GCA: variants seen among roughly 807,000 people sequenced by gnomAD.
The protein encoded by GCA is grancalcin, EF-hand calcium-binding protein.
A neutral mutation model predicts 32.6 loss-of-function variants in GCA; 30 were observed. The observed-to-expected ratio is 0.92, with a 90% CI of 0.69 to 1.25. The LOEUF (loss-of-function observed/expected upper bound fraction) is 1.25. GCA is among the 50% of genes most tolerant of loss of function. The pLI is 0.00. For missense variants in GCA, 291 were observed against 266.8 expected (o/e 1.09, Z -0.63); for synonymous variants, 102 against 84.6 (o/e 1.21, Z -1.13).
At chr2:162,321,055 A>C (rs1196182597) in intron 1 of GCA, among the ~76,000 whole-genome samples, 1 of 152,066 alleles carries the variant, frequency 6.6e-6, no homozygotes, top group East Asian at 1.9e-4. Flanking sequence ...GGTGGAAGGG[A>C]CTTCTTTTTT....
At chr2:162,340,085 G>A (rs987763426), upstream of GCA, among the ~76,000 whole-genome samples, 2 of 152,106 alleles carry the variant, frequency 1.3e-5, no homozygotes, top group Non-Finnish European at 2.9e-5. Context: ...ATCAGCATCA[G>A]CAATTTGTTA....
intron 2 of GCA, among the ~76,000 whole-genome samples, chr2:162,349,113 GT>G (rs932964788): frequency 1.3e-5 from 2 of 151,766 alleles, no homozygotes; most frequent in African/African-American, 4.8e-5. Context: ...TGATAGTGTG[GT>G]CCTAATGTAA....
In GCA at chr2:162,360,805, T is replaced by G. The variant is rs77787288; in HGVS notation, c.*562T>G. The G allele has an allele frequency of 3.5e-4, 447 of 1,291,348 alleles. No homozygotes were observed. Among genetic ancestry groups the G allele is most frequent in the Non-Finnish European group, 4.1e-4 (413 of 1,007,252 alleles). 80.0% of individuals were successfully genotyped at this position (1,291,348 alleles called of 1,614,324 possible). A position where few individuals can be genotyped will look rare whatever the true frequency, so the allele number is the denominator to read the frequency against. On this transcript the variant is annotated 3_prime_UTR_variant, in exon 8 of 8. Transcript: ENST00000437150. ...AGAAAATTATCTCCCTAGTTCAATC[T>G]GTAGTGAAATAAGACTACAGAAGGC... is the stretch of plus-strand genomic sequence containing the variant.
At chr2:162,322,978 A>G (rs1297145774) in intron 1 of GCA, among the ~76,000 whole-genome samples, 22 of 152,002 alleles carry the variant, frequency 1.4e-4, no homozygotes, top group South Asian at 2.1e-4. Flanking sequence ...CTGAGGAATC[A>G]CCACACTGAC....
intron 1 of GCA, chr2:162,346,463 C>T (rs552314790): frequency 6.6e-6 from 1 of 152,304 alleles, no homozygotes; most frequent in Admixed American, 6.5e-5. Context: ...TCTCCACTTT[C>T]TTCAATCTGG....
intron 1 of GCA, among the ~76,000 whole-genome samples, chr2:162,345,132 G>GTGGTGGTGGTGT (rs1222987229): frequency 7.3e-6 from 1 of 136,768 alleles, no homozygotes; most frequent in Non-Finnish European, 1.6e-5. Context: ...GGTGGTGGTG[G>GTGGTGGTGGTGT]TGGTTGTGGT....
intron 1 of GCA, among the ~76,000 whole-genome samples, chr2:162,333,823 G>A (rs1034812481): frequency 4.6e-5 from 7 of 152,164 alleles, no homozygotes; most frequent in Non-Finnish European, 1.0e-4. Context: ...CAAATGTGCT[G>A]CATGCTGTTA....
At chr2:162,347,160 G>A (rs1408867488) in intron 1 of GCA, among the ~76,000 whole-genome samples, 1 of 152,078 alleles carries the variant, frequency 6.6e-6, no homozygotes, top group Admixed American at 6.5e-5. Flanking sequence ...TGTAAATGTT[G>A]ACACTTAAAG....
At chr2:162,349,764 G>T (rs531539820) in intron 2 of GCA, among the ~76,000 whole-genome samples, 8 of 152,226 alleles carry the variant, frequency 5.3e-5, no homozygotes, top group Middle Eastern at 3.4e-3. Flanking sequence ...AAAAGGCAAA[G>T]AAACTGGCAG....
At position 162,323,322 on chromosome 2, in the gene GCA, G is replaced by A. The variant is rs1300408132; in HGVS notation, c.-31+4097G>A. ...TCTGGATATTAGCCCTTTGTCGGAT[G>A]AGTAGGTTGCGAAAATTTTCTCCCA... On this transcript the variant is annotated intron_variant, in intron 1 of 4. Transcript: ENST00000429691. Among the ~76,000 whole-genome samples, 2 of 151,844 alleles carry A rather than the reference G, an allele frequency of 1.3e-5. 1 individual carries two copies. Among genetic ancestry groups the A allele is most frequent in the African/African-American group, 4.9e-5 (2 of 41,124 alleles).
chr2:162,371,151 GAAA>G (rs1410698783), intron 4 of GCA, among the ~76,000 whole-genome samples: 1 of 152,080 alleles, frequency 6.6e-6, no homozygotes, highest in Admixed American at 6.6e-5. Context: ...TGTGCCAGTG[GAAA>G]ATACTTTAGA....
intron 1 of GCA, among the ~76,000 whole-genome samples, chr2:162,319,730 T>G (rs917330762): frequency 6.6e-6 from 1 of 152,218 alleles, no homozygotes; most frequent in Non-Finnish European, 1.5e-5. Context: ...GGTAGGCACA[T>G]ACGCACCATA....
intron 1 of GCA, among the ~76,000 whole-genome samples, chr2:162,329,663 T>G (rs1295498307): frequency 6.6e-6 from 1 of 151,054 alleles, no homozygotes; most frequent in African/African-American, 2.4e-5. Context: ...TTTTATTTTA[T>G]TATAATAATA....
chr2:162,365,008 G>A (rs940767616), downstream of GCA, among the ~76,000 whole-genome samples: 1 of 151,236 alleles, frequency 6.6e-6, no homozygotes, highest in Admixed American at 6.6e-5. Flanking sequence ...GTGTCCTGAT[G>A]GAACTCAGTA....
intron 3 of GCA, among the ~76,000 whole-genome samples, chr2:162,352,794 G>A (rs1033866143): frequency 6.6e-6 from 1 of 152,078 alleles, no homozygotes; most frequent in Non-Finnish European, 1.5e-5. Context: ...CTCCACAGAG[G>A]AACATTTCCC....
intron 1 of GCA, among the ~76,000 whole-genome samples, chr2:162,324,950 C>A (rs1683822100): frequency 6.6e-6 from 1 of 151,952 alleles, no homozygotes; most frequent in Non-Finnish European, 1.5e-5. Context: ...TCGTCCGAGG[C>A]TCCGATTGCC....
chr2:162,329,038 ATTC>A (rs1683985546), intron 1 of GCA, among the ~76,000 whole-genome samples: 1 of 151,618 alleles, frequency 6.6e-6, no homozygotes, highest in South Asian at 2.1e-4. Flanking sequence ...CCGCCTGTGT[ATTC>A]TTCTGCTGAT....
intron 1 of GCA, among the ~76,000 whole-genome samples, chr2:162,323,818 A>G (rs922549565): frequency 6.6e-6 from 1 of 151,726 alleles, no homozygotes; most frequent in Non-Finnish European, 1.5e-5. Flanking sequence ...GTAGCCTTGT[A>G]GTATTGTTTG....
exon 1 of GCA, chr2:162,319,087 C>T: frequency 2.2e-6 from 1 of 449,610 alleles, no homozygotes; most frequent in South Asian, 1.6e-5. Flanking sequence ...GGTGGTGAGA[C>T]TGCGAGGGAC....
Sources: allele counts gnomAD v4.1 joint callset (sites outside exome capture counted in the v4.1 genomes callset), GRCh38; gene constraint gnomAD v4.1.1; transcripts MANE v1.5; gene names NCBI Gene and HGNC (gene_info 2026-07-23, HGNC 2026-07-21).